Variants in PDSS2 observed in about 807,000 individuals in gnomAD.
PDSS2 encodes the protein decaprenyl diphosphate synthase subunit 2.
Under a neutral mutation model 44.5 loss-of-function variants are expected in PDSS2, and 31 were observed. The observed-to-expected ratio is 0.70, with a 90% CI of 0.52 to 0.94. The LOEUF is 0.94. Ranked by LOEUF, PDSS2 falls within the 40% of genes least tolerant of loss-of-function variation. The probability of loss-of-function intolerance (pLI) is 0.00; values close to 1 mark genes in which losing one functional copy is unlikely to be tolerated. For synonymous variants in PDSS2, 157 were observed against 180.3 expected, an observed-to-expected ratio of 0.87 and a Z score of 1.03; for missense variants, 452 against 482.2, an observed-to-expected ratio of 0.94 and a Z score of 0.59.
Position 107,288,853 on chromosome 6 carries a change from G to A in PDSS2, c.432-14626C>T, listed in dbSNP as rs1277931998. Among the ~76,000 whole-genome samples, 11 of 141,632 alleles carry A rather than the reference G, an allele frequency of 7.8e-5. No individual in the cohort carries two copies. In the East Asian group the frequency reaches 2.0e-3, roughly 26 times the overall value. The allele number at this position is 141,632 out of a possible 152,430, so 92.9% of individuals were successfully genotyped here. ...CGGCTCACTGCAACCTCCGCCTACC[G>A]GATTCAAGCGATTCTCTGCCTCAGC... On this transcript the variant is annotated intron_variant, in intron 2 of 7. Transcript: ENST00000369037.
In PDSS2 at chr6:107,331,928, G is replaced by GA. The variant is rs200653060; in HGVS notation, c.431+2269dup. 7.6e-3 allele frequency among the ~76,000 whole-genome samples: 1,156 copies of GA among 152,092 alleles called. 3 individuals carry two copies. Among genetic ancestry groups the GA allele is most frequent in the Non-Finnish European group, 0.011 (781 of 67,984 alleles). Reference sequence around the variant, plus strand: ...AAGAAAGGGTCAAAGTCAGCAGACTGAAAATCAATGGAATTCCTAACCGAA... The same window carrying GA: ...AAGAAAGGGTCAAAGTCAGCAGACTGAAAAATCAATGGAATTCCTAACCGAA... On this transcript the variant is annotated intron_variant, in intron 2 of 7. Transcript: ENST00000369037.
intron 4 of PDSS2, among the ~76,000 whole-genome samples, chr6:107,215,304 A>G (rs1037080810): frequency 3.9e-5 from 6 of 152,224 alleles, no homozygotes; most frequent in South Asian, 2.1e-4. Flanking sequence ...AGGAGGGAGG[A>G]TCACTTGAAC....
At chr6:107,306,723 C>A (rs1365732618) in intron 2 of PDSS2, among the ~76,000 whole-genome samples, 2 of 151,944 alleles carry the variant, frequency 1.3e-5, no homozygotes. Context: ...ATCTGACAAG[C>A]AATTTTAAAA....
chr6:107,269,903 G>A (rs1327356109), intron 3 of PDSS2, among the ~76,000 whole-genome samples: 1 of 152,104 alleles, frequency 6.6e-6, no homozygotes, highest in Non-Finnish European at 1.5e-5. Flanking sequence ...CTGACCTCAA[G>A]TGATCCGCCT....
rs754506623 is a variant in PDSS2 at position 107,458,974 on chromosome 6, G to C, written c.296+16C>G. On this transcript the variant is annotated intron_variant, in intron 1 of 7. Transcript: ENST00000369037. ...CCAATGAGTGCGAGTGTGTCAGCGGGAGAGGGGTAGCTCACCTGGCTGTGG... is the reference window on the plus strand; with the variant it reads ...CCAATGAGTGCGAGTGTGTCAGCGGCAGAGGGGTAGCTCACCTGGCTGTGG... The C allele has an allele frequency of 2.5e-6, 4 of 1,613,188 alleles. No homozygotes were observed. Among genetic ancestry groups the C allele is most frequent in the Non-Finnish European group, 3.4e-6 (4 of 1,179,308 alleles).
chr6:107,385,272 G>C (rs368242164), intron 1 of PDSS2, among the ~76,000 whole-genome samples: 1 of 151,876 alleles, frequency 6.6e-6, no homozygotes. Flanking sequence ...GCTGAGGCAG[G>C]AGAACTGTTT....
At chr6:107,269,368 GT>G (rs1775520928) in intron 3 of PDSS2, among the ~76,000 whole-genome samples, 2 of 151,694 alleles carry the variant, frequency 1.3e-5, no homozygotes, top group African/African-American at 4.8e-5. Flanking sequence ...GTGTGTGTGT[GT>G]GTGTGTGCAA....
At chr6:107,278,945 T>C (rs994561332) in intron 2 of PDSS2, among the ~76,000 whole-genome samples, 2 of 152,092 alleles carry the variant, frequency 1.3e-5, no homozygotes, top group African/African-American at 4.8e-5. Context: ...TTAAAACATC[T>C]AGCTGGGCTC....
rs117466876 is a variant in PDSS2 at position 107,455,560 on chromosome 6, C to T, written c.296+3430G>A. On this transcript the variant is annotated intron_variant, in intron 1 of 7. Coordinates refer to ENST00000369037, the MANE Select transcript of PDSS2 (RefSeq NM_020381.4). ...CATGAGGGCAGGAGCTAGAGACCAT[C>T]GTGGCCAACATGGTGAAACCCCTTC... 8.9e-3 allele frequency among the ~76,000 whole-genome samples: 1,347 copies of T among 151,844 alleles called. 50 individuals carry two copies. In the East Asian group the frequency reaches 0.12, roughly 13 times the overall value.
chr6:107,297,469 G>A (rs896749542), intron 2 of PDSS2, among the ~76,000 whole-genome samples: 23 of 147,520 alleles, frequency 1.6e-4, no homozygotes, highest in African/African-American at 5.3e-4. Flanking sequence ...TGCAACCTCC[G>A]CCTCCCAAGT....
intron 3 of PDSS2, among the ~76,000 whole-genome samples, chr6:107,257,416 T>C (rs1371862685): frequency 6.6e-6 from 1 of 151,822 alleles, no homozygotes; most frequent in Non-Finnish European, 1.5e-5. Context: ...TCTTGCGCTG[T>C]AGTCCCAGCT....
At chr6:107,392,362 C>T (rs1185878899) in intron 1 of PDSS2, among the ~76,000 whole-genome samples, 1 of 152,126 alleles carries the variant, frequency 6.6e-6, no homozygotes, top group African/African-American at 2.4e-5. Flanking sequence ...CTGCTTGCAG[C>T]AGTGAACGGT....
At chr6:107,391,082 TAA>T (rs1232712914) in intron 1 of PDSS2, among the ~76,000 whole-genome samples, 2 of 150,184 alleles carry the variant, frequency 1.3e-5, no homozygotes, top group East Asian at 2.0e-4. Flanking sequence ...GATTTGTGAT[TAA>T]AAGACTTTTT....
intron 2 of PDSS2, among the ~76,000 whole-genome samples, chr6:107,315,828 C>T (rs1777181576): frequency 1.3e-5 from 2 of 152,124 alleles, no homozygotes; most frequent in African/African-American, 2.4e-5. Context: ...GAATTCTACC[C>T]AGTGAGAACT....
At position 107,224,041 on chromosome 6, in the gene PDSS2, T is replaced by C. The variant is rs576132877; in HGVS notation, c.703-11759A>G. On this transcript the variant is annotated intron_variant, in intron 4 of 7. Coordinates refer to ENST00000369037, the MANE Select transcript of PDSS2 (RefSeq NM_020381.4). ...GAACTGTGCATGCCAGGGATCTAGG[T>C]TGCCTGCTCCATAATGCCTGATGAT... Among the ~76,000 whole-genome samples the C allele has an allele frequency of 6.1e-4, 92 of 151,326 alleles. 1 individual carries two copies. The South Asian group carries it at 0.018, about 29-fold the overall frequency.
In PDSS2 at chr6:107,320,742, T is replaced by C. The variant is rs1339703506; in HGVS notation, c.431+13456A>G. ...CATTCAACCCCCTAAGAAAATTTTG[T>C]CTCAATAAATCAACAATAATACATG... On this transcript the variant is annotated intron_variant, in intron 2 of 7. Transcript: ENST00000369037. Among the ~76,000 whole-genome samples the C allele has an allele frequency of 2.6e-5, 4 of 152,168 alleles. No individual in the cohort carries two copies. In the East Asian group the frequency reaches 7.7e-4, roughly 29 times the overall value.
chr6:107,327,752 C>A (rs1034102854), intron 2 of PDSS2, among the ~76,000 whole-genome samples: 2 of 152,202 alleles, frequency 1.3e-5, no homozygotes, highest in South Asian at 2.1e-4. Flanking sequence ...CCATGGTGCC[C>A]GGTCAACACT....
chr6:107,264,167 CAG>C lies in PDSS2; in HGVS notation c.630+9860_630+9861del, dbSNP rs1439872230. The C allele has an allele frequency of 3.6e-6, 3 of 835,540 alleles. No homozygotes were observed. The East Asian group carries it at 1.4e-4, about 39-fold the overall frequency. The allele number at this position is 835,540 out of a possible 1,614,324, so 51.8% of individuals were successfully genotyped here. A position where few individuals can be genotyped will look rare whatever the true frequency, so the allele number is the denominator to read the frequency against. The stretch of plus-strand genomic sequence containing the variant: ...GAATTTGGAAGTAAAATTACTATAA[CAG>C]ATAAGACAAACACAAATAGACAATA... On this transcript the variant is annotated intron_variant, in intron 3 of 7. Transcript: ENST00000369037.
At chr6:107,273,365 C>A (rs954824975) in intron 3 of PDSS2, among the ~76,000 whole-genome samples, 34 of 151,834 alleles carry the variant, frequency 2.2e-4, no homozygotes, top group Non-Finnish European at 2.9e-4. Context: ...CCCTTTGAAC[C>A]ACTTCTAGGT....
Sources: allele counts gnomAD v4.1 joint callset (sites outside exome capture counted in the v4.1 genomes callset), GRCh38; gene constraint gnomAD v4.1.1; transcripts MANE v1.5; gene names NCBI Gene and HGNC (gene_info 2026-07-23, HGNC 2026-07-21).